Variants in NEGR1 observed in about 807,000 individuals in gnomAD.
NEGR1 encodes IgLON family member 4.
A neutral mutation model predicts 40.9 loss-of-function variants in NEGR1; 10 were observed. The ratio of observed to expected loss-of-function variants is 0.24; its 90% CI spans 0.15 to 0.42. The LOEUF (loss-of-function observed/expected upper bound fraction) is 0.42, where lower values mean the gene tolerates loss of function less well. NEGR1 is among the 10% of genes least tolerant of loss of function. The pLI is 1.00. For missense variants in NEGR1, 352 were observed against 438.9 expected (o/e 0.80, Z 1.77); for synonymous variants, 185 against 166.8 (o/e 1.11, Z -0.84).
intron 1 of NEGR1, among the ~76,000 whole-genome samples, chr1:72,002,745 T>A (rs1288080659): frequency 1.5e-4 from 23 of 152,220 alleles, no homozygotes; most frequent in Admixed American, 1.5e-3. Flanking sequence ...CTCTTAAATG[T>A]AAATCAATAC....
intron 2 of NEGR1, among the ~76,000 whole-genome samples, chr1:71,847,281 A>C (rs1299402488): frequency 1.3e-5 from 2 of 152,212 alleles, no homozygotes; most frequent in African/African-American, 4.8e-5. Context: ...TACTGTGTAC[A>C]ACATAATGTT....
chr1:71,568,716 C>G (rs1334001), intron 6 of NEGR1, among the ~76,000 whole-genome samples: 92,998 of 151,492 alleles, frequency 0.61, 29,031 homozygotes, highest in Middle Eastern at 0.68. Context: ...GTATATATAT[C>G]TACATATGTG....
In NEGR1 at chr1:71,935,195, T is replaced by C. The variant is rs140517365; in HGVS notation, c.293A>G (p.Lys98Arg). Residue 98 changes from lysine (K) to arginine (R), a missense_variant, in exon 2 of 7, where the codon AAA (lysine) becomes AGA (arginine). By Grantham distance (26) the Lys-to-Arg change is conservative. Coordinates refer to ENST00000357731, the MANE Select transcript of NEGR1 (RefSeq NM_173808.3). ...CTGTATCTGGAGGCTGTAGTCCCTT[T>C]TATTCAATGTTGAAATTGAAACTCG... Reference protein sequence around the residue: ...DPRVSISTLNKRDYSLQIQNV... With the variant: ...DPRVSISTLNRRDYSLQIQNV... 2.0e-4 allele frequency: 324 copies of C among 1,613,610 alleles called. No individual in the cohort carries two copies. Among genetic ancestry groups the C allele is most frequent in the Non-Finnish European group, 2.6e-4 (303 of 1,179,688 alleles).
intron 4 of NEGR1, among the ~76,000 whole-genome samples, chr1:71,625,945 T>A (rs2101558399): frequency 6.6e-6 from 1 of 152,118 alleles, no homozygotes; most frequent in East Asian, 1.9e-4. Context: ...GAGCTCCTCC[T>A]CCTATCACAT....
intron 1 of NEGR1, among the ~76,000 whole-genome samples, chr1:72,201,615 G>A (rs1653213267): frequency 6.6e-6 from 1 of 151,616 alleles, no homozygotes; most frequent in Non-Finnish European, 1.5e-5. Flanking sequence ...AAACCACAAA[G>A]GTTAAAATCA....
At position 71,749,173 on chromosome 1, in the gene NEGR1, G is replaced by A. The variant is rs182734541; in HGVS notation, c.535+26999C>T. Among the ~76,000 whole-genome samples the A allele has an allele frequency of 2.7e-4, 41 of 152,278 alleles. No individual in the cohort carries two copies. The East Asian group carries it at 7.9e-3, about 29-fold the overall frequency. The stretch of plus-strand genomic sequence containing the variant: ...GTTCTGATGCAATATGGAAGAGGAT[G>A]TTTAACTAAGAAAACACTTTTTCCT... On this transcript the variant is annotated intron_variant, in intron 3 of 6. Coordinates refer to ENST00000357731, the MANE Select transcript of NEGR1 (RefSeq NM_173808.3).
intron 1 of NEGR1, among the ~76,000 whole-genome samples, chr1:72,045,781 T>A (rs955884548): frequency 6.6e-6 from 1 of 151,486 alleles, no homozygotes; most frequent in African/African-American, 2.4e-5. Flanking sequence ...AAATTCAATA[T>A]GAAAAATGAA....
At chr1:71,730,861 G>C (rs905796172) in intron 3 of NEGR1, among the ~76,000 whole-genome samples, 1 of 148,274 alleles carries the variant, frequency 6.7e-6, no homozygotes, top group Non-Finnish European at 1.5e-5. Flanking sequence ...ATATGCTACT[G>C]GTGTAGTGAA....
chr1:71,485,327 A>T (rs1298763591), intron 6 of NEGR1, among the ~76,000 whole-genome samples: 1 of 151,556 alleles, frequency 6.6e-6, no homozygotes, highest in African/African-American at 2.4e-5. Flanking sequence ...TGAATGAAAG[A>T]CATAGAACTT....
intron 2 of NEGR1, among the ~76,000 whole-genome samples, chr1:71,799,404 A>G (rs146036725): frequency 0.016 from 2,438 of 152,242 alleles, 64 homozygotes; most frequent in African/African-American, 0.056. Flanking sequence ...ATAGTATTTC[A>G]TGGTGTATAC....
At chr1:71,666,169 T>A (rs975037615) in intron 4 of NEGR1, among the ~76,000 whole-genome samples, 5 of 152,206 alleles carry the variant, frequency 3.3e-5, no homozygotes, top group African/African-American at 1.2e-4. Flanking sequence ...AAACTTACCA[T>A]CACTCAAGAA....
intron 1 of NEGR1, among the ~76,000 whole-genome samples, chr1:72,087,409 C>T (rs952848012): frequency 4.6e-5 from 7 of 150,760 alleles, no homozygotes; most frequent in African/African-American, 1.5e-4. Context: ...CCAGCTTGGG[C>T]GACAGAGTGA....
chr1:71,697,426 G>T (rs1653514041), intron 4 of NEGR1, among the ~76,000 whole-genome samples: 1 of 151,812 alleles, frequency 6.6e-6, no homozygotes, highest in Admixed American at 6.6e-5. Context: ...TGTGGTGGGA[G>T]CATTGAGGAA....
At chr1:71,930,655 G>A (rs1645846958) in intron 2 of NEGR1, among the ~76,000 whole-genome samples, 1 of 152,118 alleles carries the variant, frequency 6.6e-6, no homozygotes, top group Non-Finnish European at 1.5e-5. Flanking sequence ...CAATGACTAA[G>A]CAAGAGATAT....
intron 2 of NEGR1, among the ~76,000 whole-genome samples, chr1:71,895,477 G>A (rs1472682680): frequency 1.3e-5 from 2 of 151,960 alleles, no homozygotes; most frequent in African/African-American, 4.8e-5. Flanking sequence ...CTTGCCCCTG[G>A]TTACCACTAA....
intron 1 of NEGR1, among the ~76,000 whole-genome samples, chr1:72,216,233 C>A (rs1270694077): frequency 6.6e-6 from 1 of 151,224 alleles, no homozygotes; most frequent in Non-Finnish European, 1.5e-5. Context: ...GGAGGGAGAG[C>A]ATTAGGACAA....
At chr1:71,584,507 C>T (rs994870421) in intron 6 of NEGR1, among the ~76,000 whole-genome samples, 3 of 152,244 alleles carry the variant, frequency 2.0e-5, no homozygotes, top group South Asian at 2.1e-4. Context: ...TTTGTTCACA[C>T]GTATTCCTGG....
intron 1 of NEGR1, chr1:72,274,736 C>T (rs1655979347): frequency 1.8e-5 from 20 of 1,094,532 alleles, no homozygotes; most frequent in South Asian, 5.0e-5. Flanking sequence ...GGAGTAAAAT[C>T]GGAAGGAGAA....
At chr1:71,597,472 C>CTCTCTCTCTCTCTCTCTCTCTG (rs756076229) in intron 5 of NEGR1, among the ~76,000 whole-genome samples, 2 of 31,326 alleles carry the variant, frequency 6.4e-5, no homozygotes, top group African/African-American at 2.0e-4. Flanking sequence ...CTCTCTCTCT[C>CTCTCTCTCTCTCTCTCTCTCTG]TGTGTGTGTG....
Sources: gnomAD v4.1 joint callset for allele counts (sites outside exome capture counted in the v4.1 genomes callset) on GRCh38, gnomAD v4.1.1 for gene constraint, MANE v1.5 for transcripts, NCBI Gene and HGNC (gene_info 2026-07-23, HGNC 2026-07-21) for gene names.